Variants in RNF220 observed in about 807,000 individuals in gnomAD.
The protein encoded by RNF220 is ring finger protein 220.
RNF220 carries 7 observed loss-of-function variants against 67.1 expected under a neutral mutation model. That is an observed-to-expected ratio of 0.10 (90% CI 0.06 to 0.20). The LOEUF is 0.20. Among genes scored for constraint, RNF220 ranks in the 10% least tolerant of loss-of-function variants. The pLI is 1.00. For missense variants in RNF220, 565 were observed against 740.3 expected (o/e 0.76, Z 2.75); for synonymous variants, 270 against 283.2 (o/e 0.95, Z 0.47).
At chr1:44,450,679 A>G (rs1459200229) in intron 2 of RNF220, among the ~76,000 whole-genome samples, 3 of 152,182 alleles carry the variant, frequency 2.0e-5, no homozygotes, top group Non-Finnish European at 2.9e-5. Flanking sequence ...ATGGTATTCC[A>G]TATTTTGGAA....
chr1:44,632,378 A>C lies in RNF220; in HGVS notation c.942A>C (p.Arg314=). The C allele has an allele frequency of 6.2e-7, 1 of 1,613,398 alleles. No individual in the cohort carries two copies. The highest frequency in any genetic ancestry group is 1.1e-5 in the South Asian group (1 of 91,066). The change falls in exon 6 of 15, where the codon CGA becomes CGC. Residue 314 remains arginine, a synonymous_variant. Coordinates refer to ENST00000361799, the MANE Select transcript of RNF220 (RefSeq NM_018150.4). ...FLRVRANRQT[R]LNARIGKMKR... is the part of the protein sequence containing the mutation. Reference sequence around the variant, plus strand: ...GAGTACGAGCCAACCGGCAGACCCGACTGAATGGTGAGTCCTGCCCGGCCC... The same window carrying C: ...GAGTACGAGCCAACCGGCAGACCCGCCTGAATGGTGAGTCCTGCCCGGCCC...
At chr1:44,623,726 C>T (rs1158205982) in intron 4 of RNF220, among the ~76,000 whole-genome samples, 1 of 152,170 alleles carries the variant, frequency 6.6e-6, no homozygotes, top group Non-Finnish European at 1.5e-5. Flanking sequence ...GGGACTCCTG[C>T]ACTTGGTGTC....
intron 2 of RNF220, among the ~76,000 whole-genome samples, chr1:44,498,362 G>A (rs1036431095): frequency 3.3e-5 from 5 of 152,006 alleles, no homozygotes; most frequent in Admixed American, 2.0e-4. Context: ...CTCTCCATTT[G>A]CTTCAGTCAC....
chr1:44,582,574 T>C (rs1169881754), intron 2 of RNF220, among the ~76,000 whole-genome samples: 1 of 151,916 alleles, frequency 6.6e-6, no homozygotes, highest in African/African-American at 2.4e-5. Flanking sequence ...CTGGCCAATA[T>C]GGTGAAACCC....
At chr1:44,411,056 T>G (rs955318037) in intron 1 of RNF220, among the ~76,000 whole-genome samples, 4 of 152,208 alleles carry the variant, frequency 2.6e-5, no homozygotes, top group Non-Finnish European at 5.9e-5. Flanking sequence ...AGTCAGAAAT[T>G]TTGTTAACAT....
intron 2 of RNF220, among the ~76,000 whole-genome samples, chr1:44,550,356 C>A (rs745522016): frequency 1.2e-4 from 19 of 152,140 alleles, no homozygotes; most frequent in Non-Finnish European, 2.4e-4. Context: ...CTTGGAGGAG[C>A]CTGCTGTGTC....
At position 44,494,052 on chromosome 1, in the gene RNF220, C is replaced by T. The variant is rs1171340111; in HGVS notation, c.625+81330C>T. Among the ~76,000 whole-genome samples the T allele has an allele frequency of 4.0e-5, 6 of 151,674 alleles. No individual in the cohort carries two copies. In the East Asian group the frequency reaches 1.2e-3, roughly 29 times the overall value. ...TGAAACCCCATCTCTACTAAAAATA[C>T]AAAATTAGCCGGGCATGGTGGCAGG... On this transcript the variant is annotated intron_variant, in intron 2 of 14. Coordinates refer to ENST00000361799, the MANE Select transcript of RNF220 (RefSeq NM_018150.4).
chr1:44,595,837 C>T (rs1169437825), intron 2 of RNF220, among the ~76,000 whole-genome samples: 3 of 152,120 alleles, frequency 2.0e-5, no homozygotes, highest in South Asian at 2.1e-4. Context: ...AATCTCAGCT[C>T]ACTGCAAGCT....
intron 2 of RNF220, among the ~76,000 whole-genome samples, chr1:44,477,771 G>A (rs184751909): frequency 6.6e-6 from 1 of 152,116 alleles, no homozygotes; most frequent in Admixed American, 6.6e-5. Flanking sequence ...TACATGCTTG[G>A]GTCACATCTG....
At chr1:44,647,654 A>T (rs3768439) in intron 12 of RNF220, among the ~76,000 whole-genome samples, 38,757 of 152,032 alleles carry the variant, frequency 0.25, 5,941 homozygotes, top group South Asian at 0.36. Flanking sequence ...CTAGCTCCCC[A>T]AAGGAAAAAG....
intron 2 of RNF220, among the ~76,000 whole-genome samples, chr1:44,446,776 C>A (rs1453784952): frequency 6.6e-6 from 1 of 152,130 alleles, no homozygotes; most frequent in Non-Finnish European, 1.5e-5. Context: ...CCAGGCTGAT[C>A]TCAAACTCCT....
At chr1:44,459,715 G>T (rs1424442799) in intron 2 of RNF220, among the ~76,000 whole-genome samples, 2 of 152,176 alleles carry the variant, frequency 1.3e-5, no homozygotes, top group African/African-American at 4.8e-5. Flanking sequence ...GGTAGGTGGA[G>T]CGGAACTGCC....
chr1:44,424,674 G>C (rs912407287), intron 2 of RNF220, among the ~76,000 whole-genome samples: 1 of 152,202 alleles, frequency 6.6e-6, no homozygotes, highest in African/African-American at 2.4e-5. Context: ...GGGAGGATCT[G>C]TCCACCTGTC....
chr1:44,482,627 AT>A lies in RNF220; in HGVS notation c.625+69918del, dbSNP rs962035057. On this transcript the variant is annotated intron_variant, in intron 2 of 14. Coordinates refer to ENST00000361799, the MANE Select transcript of RNF220 (RefSeq NM_018150.4). ...GGCATAGTCTAGGGTAATTCAGTAAATTTTTTTTTTTTTAGACAGAGTCTTG... is the reference window on the plus strand; with the variant it reads ...GGCATAGTCTAGGGTAATTCAGTAAATTTTTTTTTTTTAGACAGAGTCTTG... Among the ~76,000 whole-genome samples, 1,347 of 144,856 alleles carry A rather than the reference AT, an allele frequency of 9.3e-3. 19 individuals are homozygous for A. The highest frequency in any genetic ancestry group is 0.03 in the African/African-American group (1,184 of 39,854).
At chr1:44,511,805 G>A (rs903853401) in intron 2 of RNF220, among the ~76,000 whole-genome samples, 1 of 152,138 alleles carries the variant, frequency 6.6e-6, no homozygotes, top group Non-Finnish European at 1.5e-5. Context: ...TCTAAAAAAT[G>A]GTAAACAAGC....
intron 6 of RNF220, 83 bp from the exon 7 acceptor site, chr1:44,635,462 G>C (rs543284650): frequency 5.4e-5 from 85 of 1,564,132 alleles, no homozygotes; most frequent in Admixed American, 3.6e-4. Flanking sequence ...CAAGAGGTCA[G>C]GATGTGTCAG....
At chr1:44,465,730 T>C (rs1278418411) in intron 2 of RNF220, among the ~76,000 whole-genome samples, 1 of 152,236 alleles carries the variant, frequency 6.6e-6, no homozygotes, top group African/African-American at 2.4e-5. Context: ...TTCTGGTGCA[T>C]ATAAAAGTTA....
chr1:44,632,007 G>C lies in RNF220; in HGVS notation c.907-336G>C, dbSNP rs969674284. The C allele has an allele frequency of 2.1e-5, 22 of 1,024,126 alleles. No individual in the cohort carries two copies. In the East Asian group the frequency reaches 1.8e-3, roughly 86 times the overall value. The allele number at this position is 1,024,126 out of a possible 1,614,324, so 63.4% of individuals were successfully genotyped here. ...CGCCGCCGCCGCTTGGAGCTGAAGTGCCGCCGCCGCCGGGCAGCCACGGGG... is the reference window on the plus strand; with the variant it reads ...CGCCGCCGCCGCTTGGAGCTGAAGTCCCGCCGCCGCCGGGCAGCCACGGGG... On this transcript the variant is annotated intron_variant, in intron 5 of 14. Transcript: ENST00000361799.
chr1:44,463,095 G>A (rs1653940803), intron 2 of RNF220, among the ~76,000 whole-genome samples: 2 of 152,176 alleles, frequency 1.3e-5, no homozygotes, highest in African/African-American at 4.8e-5. Flanking sequence ...CCAGCACTTT[G>A]GGAGACTGAG....
Sources: gnomAD v4.1 joint callset for allele counts (sites outside exome capture counted in the v4.1 genomes callset) on GRCh38, gnomAD v4.1.1 for gene constraint, MANE v1.5 for transcripts, NCBI Gene and HGNC (gene_info 2026-07-23, HGNC 2026-07-21) for gene names.